The following PERM1 variants were observed in gnomAD, a reference collection of about 807,000 sequenced individuals.
PERM1 encodes the protein PGC-1 and ERR-induced regulator in muscle protein 1.
In PERM1, 45 loss-of-function variants were observed where a neutral mutation model predicts 44.1. That is an observed-to-expected ratio of 1.02 (90% CI 0.80 to 1.31). The LOEUF (loss-of-function observed/expected upper bound fraction) is 1.31. Among genes scored for constraint, PERM1 ranks in the 50% most tolerant of loss-of-function variants. The pLI is 0.00. For missense variants in PERM1, 1,189 were observed against 1,106.9 expected (o/e 1.07, Z -1.05); for synonymous variants, 565 against 477.1 (o/e 1.18, Z -2.40).
intron 2 of PERM1, 82 bp from the exon 4 acceptor site, chr1:976,351 G>A: frequency 6.8e-7 from 1 of 1,472,876 alleles, no homozygotes; most frequent in Non-Finnish European, 9.0e-7. Flanking sequence ...CTCAAAGGGC[G>A]GGCAAGGTCG....
At chr1:979,770 C>T in exon 1 of PERM1, 3 of 1,550,388 alleles carry the variant, frequency 1.9e-6, no homozygotes, top group South Asian at 2.4e-5. Context: ...CTAGCTTAGC[C>T]ACTGGGCCTG....
At chr1:978,773 A>C in intron 1 of PERM1, 108 bp downstream of exon 2, 1 of 1,057,856 alleles carries the variant, frequency 9.5e-7, no homozygotes, top group Non-Finnish European at 1.3e-6. Context: ...CTGCTAGGGG[A>C]TGACCCAAGC....
At chr1:980,861 G>A in exon 1 of PERM1, 1 of 1,402,330 alleles carries the variant, frequency 7.1e-7, no homozygotes, top group East Asian at 2.7e-5. Flanking sequence ...GGGAGAGGTG[G>A]GGCCCTGGGG....
rs186101910 is a variant in PERM1, at chr1:979,369, C to T, written c.1661G>A (p.Arg554Gln). The change falls in exon 1 of 3, where the codon CGG becomes CAG. Residue 554 changes from arginine to glutamine, a missense_variant. Arg to Gln is a conservative substitution (Grantham distance 43). Coordinates refer to ENST00000433179, the Ensembl canonical transcript of PERM1. ...GGGGCGAGGCAGGTGCTTGAGGATC[C>T]GAGGCTGGTGGGGCCGGGGCCCGAC... The T allele has an allele frequency of 6.1e-4, 922 of 1,506,292 alleles. 23 individuals are homozygous for T. In the East Asian group the frequency reaches 0.014, roughly 22 times the overall value. The allele number at this position is 1,506,292 out of a possible 1,614,324, so 93.3% of individuals were successfully genotyped here.
chr1:978,488 G>A (rs1010700638), intron 1 of PERM1, among the ~76,000 whole-genome samples: 14 of 152,174 alleles, frequency 9.2e-5, no homozygotes, highest in Admixed American at 9.2e-4. Context: ...CCAGTTTGGG[G>A]GAACTGCCAG....
chr1:981,215 T>C, upstream of PERM1: 1 of 1,531,636 alleles, frequency 6.5e-7, no homozygotes, highest in Non-Finnish European at 8.8e-7. Flanking sequence ...GGGCCGCGCT[T>C]CCTTCAAACC....
In PERM1 at chr1:978,946, GC is replaced by G; in HGVS notation, c.2083del (p.Ala695ArgfsTer12). 1.3e-6 allele frequency: 2 copies of G among 1,506,790 alleles called. No homozygotes were observed. The highest frequency in any genetic ancestry group is 1.8e-6 in the Non-Finnish European group (2 of 1,124,124). The allele number at this position is 1,506,790 out of a possible 1,614,324, so 93.3% of individuals were successfully genotyped here. Reference sequence around the variant, plus strand: ...TGGCTTGAGGGGGGTCCCAGGCCCCGCCCCCTCGGAGGCCGACCGGGGAGGC... The same window carrying G: ...TGGCTTGAGGGGGGTCCCAGGCCCCGCCCCTCGGAGGCCGACCGGGGAGGC... On this transcript the variant is annotated frameshift_variant, in exon 1 of 3. Coordinates refer to ENST00000433179, the Ensembl canonical transcript of PERM1. LOFTEE classifies it high-confidence loss of function.
chr1:979,965 G>C (rs1255390058), exon 1 of PERM1: 5 of 1,549,622 alleles, frequency 3.2e-6, no homozygotes, highest in Non-Finnish European at 4.4e-6. Flanking sequence ...CCATGTCCCT[G>C]TCAGGTTGCG....
exon 2 of PERM1, chr1:976,526 G>C: frequency 1.3e-6 from 2 of 1,549,584 alleles, no homozygotes; most frequent in African/African-American, 1.4e-5. Flanking sequence ...GGGGTATGCG[G>C]ATCTGACGTC....
exon 1 of PERM1, chr1:980,265 C>T: frequency 6.4e-7 from 1 of 1,550,410 alleles, no homozygotes; most frequent in Non-Finnish European, 8.7e-7. Flanking sequence ...CAGGTGTAGA[C>T]AGGCCCAAAC....
intron 1 of PERM1, among the ~76,000 whole-genome samples, chr1:978,361 A>G (rs1452071906): frequency 6.9e-6 from 1 of 144,328 alleles, no homozygotes; most frequent in Non-Finnish European, 1.5e-5. Context: ...CTTCCTGAGA[A>G]CTGGTTGCCC....
rs563491278 is a variant in PERM1, at chr1:976,622, C to A, written c.2152G>T (p.Glu718Ter). The A allele has an allele frequency of 3.7e-5, 58 of 1,549,072 alleles. 1 individual carries two copies. The Admixed American group carries it at 4.3e-4, about 12-fold the overall frequency. ...AATGATGGGACAGGCCCCCGGAGCT[C>A]CCCTAGGACAGAAGCTCACCTTCAG... is the stretch of plus-strand genomic sequence containing the variant. The change falls in exon 2 of 3, where the codon GAG becomes TAG. Residue 718 changes from glutamate to a stop codon, truncating the protein, a stop_gained and splice_region_variant. Coordinates refer to ENST00000433179, the Ensembl canonical transcript of PERM1. LOFTEE classifies it high-confidence loss of function.
exon 3 of PERM1, chr1:975,912 T>G (rs1383377400): frequency 2.0e-6 from 1 of 492,422 alleles, no homozygotes; most frequent in Non-Finnish European, 3.6e-6. Context: ...CATCTGTGAA[T>G]CTGGCCACCC....
At chr1:981,343 T>A (rs1238553734), upstream of PERM1, 3 of 294,400 alleles carry the variant, frequency 1.0e-5, no homozygotes, top group Non-Finnish European at 1.5e-5. Flanking sequence ...CAAGGATGAT[T>A]TTCTACCAGT....
chr1:981,297 T>TAGCTGTGTGATGATGCGGTGTTACATTC (rs1432095419), upstream of PERM1: 7 of 949,824 alleles, frequency 7.4e-6, no homozygotes, highest in African/African-American at 1.0e-4. Flanking sequence ...CCCCAAATGA[T>TAGCTGTGTGATGATGCGGTGTTACATTC]AGCTGTGTGA....
exon 1 of PERM1, chr1:980,939 C>T (rs576831792): frequency 1.4e-6 from 2 of 1,433,202 alleles, no homozygotes; most frequent in African/African-American, 2.9e-5. Flanking sequence ...GAGGCCAGGC[C>T]GGCCTGCAGG....
At chr1:978,207 A>G (rs1451525646) in intron 1 of PERM1, among the ~76,000 whole-genome samples, 1 of 120,742 alleles carries the variant, frequency 8.3e-6, no homozygotes, top group Admixed American at 8.4e-5. Context: ...TTGGCCTGGG[A>G]ACTGCCTGCC....
chr1:976,458 G>A lies in PERM1; in HGVS notation c.2275+41C>T, dbSNP rs1395041634. The A allele has an allele frequency of 1.4e-5, 22 of 1,549,112 alleles. No homozygotes were observed. The East Asian group carries it at 3.4e-4, about 24-fold the overall frequency. On this transcript the variant is annotated intron_variant, in intron 2 of 2. Transcript: ENST00000433179. ...TCGTCCTGCCAGCGCCCCTCGGTCT[G>A]GCTTCTAGGCGCAGCTCCCTCTGCC...
chr1:979,846 A>G, exon 1 of PERM1: 1 of 1,549,022 alleles, frequency 6.5e-7, no homozygotes, highest in Non-Finnish European at 8.7e-7. Flanking sequence ...GTCCGTGTCC[A>G]ATTGTGGCTT....
Sources: gnomAD v4.1 joint callset for allele counts (sites outside exome capture counted in the v4.1 genomes callset) on GRCh38, gnomAD v4.1.1 for gene constraint, MANE v1.5 for transcripts, NCBI Gene and HGNC (gene_info 2026-07-23, HGNC 2026-07-21) for gene names.